Variants in DMD observed in about 807,000 individuals in gnomAD.
DMD encodes dystrophin.
Under a neutral mutation model 330.1 loss-of-function variants are expected in DMD, and 63 were observed. That is an observed-to-expected ratio of 0.19 (90% CI 0.16 to 0.24). DMD has a LOEUF of 0.24. Among genes scored for constraint, DMD ranks in the 10% least tolerant of loss-of-function variants. The pLI is 1.00. For synonymous variants in DMD, 1,223 were observed against 959.8 expected (o/e 1.27, Z -5.07); for missense variants, 3,344 against 2,684.1 (o/e 1.25, Z -5.43).
chrX:33,115,110 A>G (rs1456703422), intron 1 of DMD, among the ~76,000 whole-genome samples: 2 of 112,474 alleles, frequency 1.8e-5, no homozygotes. Context: ...TGAATATGAT[A>G]AGAACAAGCC....
chrX:33,079,019 T>C (rs2148221218), intron 1 of DMD, among the ~76,000 whole-genome samples: 1 of 108,188 alleles, frequency 9.2e-6, no homozygotes, highest in East Asian at 2.8e-4. Flanking sequence ...TGTTACATTT[T>C]ACAGCTGGTA....
intron 44 of DMD, among the ~76,000 whole-genome samples, chrX:32,095,672 C>T (rs1007547668): frequency 8.9e-6 from 1 of 111,759 alleles, no homozygotes; most frequent in South Asian, 3.6e-4. Flanking sequence ...GAAAATAGAA[C>T]CAATTTAGAA....
intron 60 of DMD, among the ~76,000 whole-genome samples, chrX:31,381,831 A>C (rs1007518280): frequency 8.9e-6 from 1 of 111,748 alleles, no homozygotes; most frequent in Non-Finnish European, 1.9e-5. Context: ...ATAACTTCTC[A>C]GTGTTCCATC....
At chrX:31,929,803 T>C (rs1038381361) in intron 46 of DMD, 58 bp from the exon 47 acceptor site, 1 of 1,178,739 alleles carries the variant, frequency 8.5e-7, no homozygotes, top group African/African-American at 1.8e-5. Flanking sequence ...TCCAACTACC[T>C]TGTCTTTGCT....
intron 1 of DMD, among the ~76,000 whole-genome samples, chrX:33,107,909 A>T (rs1350648806): frequency 9.0e-6 from 1 of 111,592 alleles, no homozygotes; most frequent in Admixed American, 9.6e-5. Flanking sequence ...TATTCTCCGA[A>T]TTTAATAAAG....
intron 54 of DMD, among the ~76,000 whole-genome samples, chrX:31,652,134 G>C (rs2080491073): frequency 9.0e-6 from 1 of 111,704 alleles, no homozygotes; most frequent in African/African-American, 3.3e-5. Flanking sequence ...TAACTTATTA[G>C]GACTCTCCTG....
At chrX:31,220,798 A>G (rs1401506120) in intron 64 of DMD, among the ~76,000 whole-genome samples, 2 of 101,264 alleles carry the variant, frequency 2.0e-5, no homozygotes, top group African/African-American at 7.3e-5. Flanking sequence ...CCTTTCACCC[A>G]CCACATCAAG....
chrX:31,404,787 G>A (rs2061339288), intron 60 of DMD, among the ~76,000 whole-genome samples: 1 of 111,748 alleles, frequency 8.9e-6, no homozygotes, highest in Admixed American at 9.5e-5. Context: ...GGAGGGAGAA[G>A]CCTAATGAAT....
At chrX:32,499,475 A>C (rs1280555408) in intron 19 of DMD, among the ~76,000 whole-genome samples, 1 of 111,501 alleles carries the variant, frequency 9.0e-6, no homozygotes, top group Non-Finnish European at 1.9e-5. Flanking sequence ...TGAGGAAACT[A>C]TACGTGGTTA....
chrX:32,867,788 C>A (rs1458358436), intron 2 of DMD, among the ~76,000 whole-genome samples: 1 of 111,954 alleles, frequency 8.9e-6, no homozygotes. Flanking sequence ...TGCTCACTCA[C>A]CTGGCTGAAT....
intron 47 of DMD, among the ~76,000 whole-genome samples, chrX:31,907,745 C>T (rs55646021): frequency 0.071 from 7,923 of 111,714 alleles, 288 homozygotes; most frequent in Non-Finnish European, 0.11. Context: ...AGAGCTTCTG[C>T]ACAGCAAAAG....
chrX:32,387,021 A>G (rs1246146585), intron 32 of DMD, among the ~76,000 whole-genome samples: 2 of 110,746 alleles, frequency 1.8e-5, no homozygotes, highest in Non-Finnish European at 3.8e-5. Context: ...TATATATTGT[A>G]TCATATATAA....
chrX:31,260,960 G>C lies in DMD; in HGVS notation c.9281C>G (p.Ser3094Cys), dbSNP rs774028068. Reference sequence around the variant, plus strand: ...AAACATGGCCATGTCCTTACCTAAAGACTGGTAGAGCTCTGTCATTTTGGG... The same window carrying C: ...AAACATGGCCATGTCCTTACCTAAACACTGGTAGAGCTCTGTCATTTTGGG... Reference protein sequence around the residue: ...DHPKMTELYQSLADLNNVRFS... With the variant: ...DHPKMTELYQCLADLNNVRFS... The change falls in exon 63 of 79, where the codon TCT (serine) becomes TGT (cysteine). Residue 3094 changes from serine to cysteine, a missense_variant. Ser to Cys is a moderately radical substitution (Grantham distance 112). Transcript: ENST00000357033. 8.3e-7 allele frequency: 1 copy of C among 1,210,204 alleles called. No homozygotes were observed. The highest frequency in any genetic ancestry group is 1.8e-5 in the South Asian group (1 of 56,876).
intron 50 of DMD, among the ~76,000 whole-genome samples, chrX:31,815,885 G>T (rs2092612429): frequency 9.0e-6 from 1 of 111,712 alleles, no homozygotes; most frequent in African/African-American, 3.3e-5. Flanking sequence ...ACTGCCCTGA[G>T]AATACCATGT....
chrX:32,994,701 C>A (rs1162666376), intron 2 of DMD, among the ~76,000 whole-genome samples: 1 of 111,235 alleles, frequency 9.0e-6, no homozygotes, highest in Non-Finnish European at 1.9e-5. Context: ...ATTCTGACCA[C>A]AAAACATAAG....
intron 43 of DMD, among the ~76,000 whole-genome samples, chrX:32,255,415 A>G (rs2097294214): frequency 1.1e-5 from 1 of 92,846 alleles, no homozygotes; most frequent in African/African-American, 4.1e-5. Context: ...ATTCATTTAC[A>G]TATTGTCTAT....
intron 7 of DMD, among the ~76,000 whole-genome samples, chrX:32,803,118 G>T (rs1316171231): frequency 9.0e-6 from 1 of 111,484 alleles, no homozygotes; most frequent in African/African-American, 3.3e-5. Flanking sequence ...TGGTTTGTAG[G>T]CTATTAATTA....
At chrX:31,306,036 A>T (rs2055006432) in intron 62 of DMD, among the ~76,000 whole-genome samples, 1 of 112,204 alleles carries the variant, frequency 8.9e-6, no homozygotes, top group African/African-American at 3.2e-5. Context: ...CTTAAAAGAT[A>T]ATCAGAGGAA....
intron 59 of DMD, among the ~76,000 whole-genome samples, chrX:31,457,080 G>A (rs922718182): frequency 9.1e-6 from 1 of 109,421 alleles, no homozygotes; most frequent in African/African-American, 3.3e-5. Context: ...TAGATAAGGT[G>A]ACTGAAATCA....
Sources: gnomAD v4.1 joint callset for allele counts (sites outside exome capture counted in the v4.1 genomes callset) on GRCh38, gnomAD v4.1.1 for gene constraint, MANE v1.5 for transcripts, NCBI Gene and HGNC (gene_info 2026-07-23, HGNC 2026-07-21) for gene names.